Variants in FAM240A observed in about 807,000 individuals in gnomAD.
FAM240A encodes the protein family with sequence similarity 240 member A.
FAM240A carries 8 observed loss-of-function variants against 7.3 expected under a neutral mutation model. That is an observed-to-expected ratio of 1.09 (90% CI 0.64 to 1.97). FAM240A has a LOEUF of 1.97. Ranked by LOEUF, FAM240A falls within the 30% of genes most tolerant of loss-of-function variation. The pLI, the probability that FAM240A is intolerant of heterozygous loss-of-function variation, is 0.00. For synonymous variants in FAM240A, 32 were observed against 35.9 expected, an observed-to-expected ratio of 0.89 and a Z score of 0.38; for missense variants, 90 against 102.2, an observed-to-expected ratio of 0.88 and a Z score of 0.52.
chr3:46,625,013 A>G, intron 2 of FAM240A, 115 bp from the exon 3 acceptor site: 1 of 512,246 alleles, frequency 2.0e-6, no homozygotes, highest in Non-Finnish European at 3.3e-6. Context: ...CATGCCTTTT[A>G]AAACCTGAAC....
At chr3:46,624,834 T>C (rs978992862) in intron 2 of FAM240A, among the ~76,000 whole-genome samples, 2 of 152,076 alleles carry the variant, frequency 1.3e-5, no homozygotes, top group Admixed American at 6.5e-5. Flanking sequence ...AAGTCTAGAC[T>C]GACAGGTTTA....
In FAM240A at chr3:46,625,466, G is replaced by A. The variant is rs559135341; in HGVS notation, c.*248G>A. On this transcript the variant is annotated 3_prime_UTR_variant, in exon 3 of 3. Transcript: ENST00000640551. Reference sequence around the variant, plus strand: ...CTCTAAAGATAGCTTATTTAATATCGAAGCTCCATGCAGCATTCCTTGCTT... The same window carrying A: ...CTCTAAAGATAGCTTATTTAATATCAAAGCTCCATGCAGCATTCCTTGCTT... 4.6e-4 allele frequency: 120 copies of A among 261,574 alleles called. No individual in the cohort carries two copies. The highest frequency in any genetic ancestry group is 2.1e-4 in the Admixed American group (4 of 19,042). The allele number at this position is 261,574 out of a possible 1,614,324, so 16.2% of individuals were successfully genotyped here.
chr3:46,625,233 A>G lies in FAM240A; in HGVS notation c.*15A>G. The stretch of plus-strand genomic sequence containing the variant: ...ATGTTGGCTGAGAGCTTCCTGCTTC[A>G]TTGACACAAGAAGATGCAAAACACT... On this transcript the variant is annotated 3_prime_UTR_variant, in exon 3 of 3. Transcript: ENST00000640551. 3 of 1,521,442 alleles carry G rather than the reference A, an allele frequency of 2.0e-6. No individual in the cohort carries two copies. Among genetic ancestry groups the G allele is most frequent in the Non-Finnish European group, 2.6e-6 (3 of 1,136,158 alleles). 94.2% of individuals were successfully genotyped at this position (1,521,442 alleles called of 1,614,324 possible).
At position 46,613,479 on chromosome 3, in the gene FAM240A, G is replaced by A. The variant is rs191105531; in HGVS notation, c.15+781G>A. Among the ~76,000 whole-genome samples the A allele has an allele frequency of 2.6e-4, 23 of 86,836 alleles. No individual in the cohort carries two copies. In the East Asian group the frequency reaches 7.9e-3, roughly 30 times the overall value. 57.0% of individuals were successfully genotyped at this position (86,836 alleles called of 152,430 possible). On this transcript the variant is annotated intron_variant, in intron 1 of 2. Transcript: ENST00000640551. ...ACTGCAATCCAGCCTGGGTGACAGA[G>A]TGAAACTCCTTCTAAATAAATAAAT...
intron 2 of FAM240A, among the ~76,000 whole-genome samples, chr3:46,624,758 T>C (rs1195748086): frequency 6.6e-6 from 1 of 152,078 alleles, no homozygotes; most frequent in Non-Finnish European, 1.5e-5. Flanking sequence ...TTTCTTTCAG[T>C]TTGCATACGT....
intron 2 of FAM240A, among the ~76,000 whole-genome samples, chr3:46,617,622 C>T (rs546998448): frequency 2.6e-5 from 4 of 152,276 alleles, no homozygotes; most frequent in East Asian, 1.9e-4. Flanking sequence ...TTTAATTTTC[C>T]ATGCTTACAT....
At chr3:46,615,113 G>A (rs1443815025) in intron 1 of FAM240A, among the ~76,000 whole-genome samples, 1 of 152,144 alleles carries the variant, frequency 6.6e-6, no homozygotes, top group Non-Finnish European at 1.5e-5. Context: ...TCAAGGCAGT[G>A]GAAACACGGG....
intron 1 of FAM240A, among the ~76,000 whole-genome samples, chr3:46,614,742 C>CA (rs1282652915): frequency 6.6e-5 from 10 of 152,200 alleles, no homozygotes; most frequent in African/African-American, 2.4e-4. Flanking sequence ...CTTCTACTGT[C>CA]ATCCAAGCTT....
At chr3:46,615,459 C>A (rs530590876) in intron 1 of FAM240A, among the ~76,000 whole-genome samples, 1 of 152,308 alleles carries the variant, frequency 6.6e-6, no homozygotes, top group African/African-American at 2.4e-5. Flanking sequence ...TTTGCCCCTC[C>A]CGTCCTGGTC....
chr3:46,619,143 C>T (rs755469621), intron 2 of FAM240A, among the ~76,000 whole-genome samples: 1 of 151,996 alleles, frequency 6.6e-6, no homozygotes, highest in East Asian at 1.9e-4. Context: ...ATTTAACAAT[C>T]CAGGATCTAA....
At chr3:46,620,996 G>T (rs1353746147) in intron 2 of FAM240A, among the ~76,000 whole-genome samples, 1 of 152,134 alleles carries the variant, frequency 6.6e-6, no homozygotes, top group Admixed American at 6.5e-5. Flanking sequence ...TCAGCCTTAA[G>T]CTGAGGAAGC....
Position 46,613,491 on chromosome 3 carries a change from C to CTAAATAAATAAATAAATAAATAAA in FAM240A, c.15+806_15+829dup, listed in dbSNP as rs148622433. 4.2e-4 allele frequency among the ~76,000 whole-genome samples: 58 copies of CTAAATAAATAAATAAATAAATAAA among 137,906 alleles called. 1 individual carries two copies. Among genetic ancestry groups the CTAAATAAATAAATAAATAAATAAA allele is most frequent in the Non-Finnish European group, 7.0e-4 (45 of 64,608 alleles). The allele number at this position is 137,906 out of a possible 152,430, so 90.5% of individuals were successfully genotyped here. On this transcript the variant is annotated intron_variant, in intron 1 of 2. Transcript: ENST00000640551. ...CCTGGGTGACAGAGTGAAACTCCTTCTAAATAAATAAATAAATAAATAAAT... is the reference window on the plus strand; with the variant it reads ...CCTGGGTGACAGAGTGAAACTCCTTCTAAATAAATAAATAAATAAATAAATAAATAAATAAATAAATAAATAAAT...
chr3:46,615,790 G>A (rs952522386), intron 1 of FAM240A, among the ~76,000 whole-genome samples: 1 of 152,154 alleles, frequency 6.6e-6, no homozygotes, highest in African/African-American at 2.4e-5. Context: ...CATGTAATAA[G>A]TGAGCATTTT....
intron 1 of FAM240A, among the ~76,000 whole-genome samples, chr3:46,616,745 A>T (rs1040458478): frequency 6.6e-6 from 1 of 151,372 alleles, no homozygotes; most frequent in Non-Finnish European, 1.5e-5. Context: ...CATTTTCTTG[A>T]TCCAGTCATA....
At chr3:46,620,941 T>C (rs1459039092) in intron 2 of FAM240A, among the ~76,000 whole-genome samples, 1 of 152,180 alleles carries the variant, frequency 6.6e-6, no homozygotes, top group Non-Finnish European at 1.5e-5. Context: ...CTAAATGTAG[T>C]TATTTTGTTT....
At chr3:46,615,601 C>T (rs1697619044) in intron 1 of FAM240A, among the ~76,000 whole-genome samples, 1 of 152,120 alleles carries the variant, frequency 6.6e-6, no homozygotes, top group South Asian at 2.1e-4. Flanking sequence ...CACTGAAAGC[C>T]CTTCCTGGGA....
rs1349443123 is a variant in FAM240A, at chr3:46,622,683, ACT to A, written c.162-2443_162-2442del. Among the ~76,000 whole-genome samples the A allele has an allele frequency of 7.2e-5, 11 of 152,248 alleles. No homozygotes were observed. In the East Asian group the frequency reaches 2.1e-3, roughly 29 times the overall value. On this transcript the variant is annotated intron_variant, in intron 2 of 2. Transcript: ENST00000640551. ...TTTGCACGTTTGTTGAAAATTAATA[ACT>A]CATCTATGTGTAGGAATGTTTTTGG...
intron 1 of FAM240A, among the ~76,000 whole-genome samples, chr3:46,614,835 GTAAA>G (rs1697610075): frequency 6.6e-6 from 1 of 152,156 alleles, no homozygotes; most frequent in South Asian, 2.1e-4. Flanking sequence ...AATATTGTGT[GTAAA>G]TAAAGATTCA....
rs1255058109 is a variant in FAM240A, at chr3:46,614,119, T to C, written c.15+1421T>C. ...TTTTTATTTTTATAGAGACAGGATCTCTGTATGTTGCCCAGCCTGGTCTCA... is the reference window on the plus strand; with the variant it reads ...TTTTTATTTTTATAGAGACAGGATCCCTGTATGTTGCCCAGCCTGGTCTCA... On this transcript the variant is annotated intron_variant, in intron 1 of 2. Transcript: ENST00000640551. Among the ~76,000 whole-genome samples, 3 of 152,118 alleles carry C rather than the reference T, an allele frequency of 2.0e-5. 1 individual carries two copies. Among genetic ancestry groups the C allele is most frequent in the African/African-American group, 7.2e-5 (3 of 41,396 alleles).
Sources: gnomAD v4.1 joint callset for allele counts (sites outside exome capture counted in the v4.1 genomes callset) on GRCh38, gnomAD v4.1.1 for gene constraint, MANE v1.5 for transcripts, NCBI Gene and HGNC (gene_info 2026-07-23, HGNC 2026-07-21) for gene names.